Variants in COMMD1 observed in about 807,000 individuals in gnomAD.
COMMD1 encodes COMM domain-containing protein 1.
Under a neutral mutation model 17.2 loss-of-function variants are expected in COMMD1, and 10 were observed. That is an observed-to-expected ratio of 0.58 (90% confidence interval 0.36 to 0.99). The LOEUF is 0.99. COMMD1 is among the 50% of genes least tolerant of loss of function. The pLI is 0.01. For missense variants in COMMD1, 270 were observed against 231.8 expected, an observed-to-expected ratio of 1.17 and a Z score of -1.07; for synonymous variants, 97 against 91.6, an observed-to-expected ratio of 1.06 and a Z score of -0.34.
chr2:61,926,146 A>AT (rs1267756586), intron 1 of COMMD1, among the ~76,000 whole-genome samples: 1 of 151,512 alleles, frequency 6.6e-6, no homozygotes, highest in Non-Finnish European at 1.5e-5. Flanking sequence ...AATTTTTTGT[A>AT]TTTTTTAGTA....
intron 2 of COMMD1, among the ~76,000 whole-genome samples, chr2:62,063,066 A>T (rs1201616279): frequency 6.6e-6 from 1 of 151,776 alleles, no homozygotes; most frequent in Non-Finnish European, 1.5e-5. Context: ...AAAATACAAA[A>T]ATTAGCTGGG....
At chr2:62,126,884 G>A (rs1262129141) in intron 2 of COMMD1, among the ~76,000 whole-genome samples, 2 of 152,156 alleles carry the variant, frequency 1.3e-5, no homozygotes, top group African/African-American at 4.8e-5. Context: ...GCCAGGGCAA[G>A]CAGGCAAGAG....
chr2:61,950,493 A>C (rs1413636481), intron 1 of COMMD1, among the ~76,000 whole-genome samples: 1 of 152,232 alleles, frequency 6.6e-6, no homozygotes, highest in Non-Finnish European at 1.5e-5. Flanking sequence ...CTATGGATTA[A>C]TATGGGATTC....
intron 2 of COMMD1, chr2:62,100,068 C>G (rs1672133833): frequency 6.6e-6 from 1 of 150,460 alleles, no homozygotes; most frequent in African/African-American, 2.5e-5. Context: ...CCTCTGAAAC[C>G]AAAATTAAGA....
chr2:62,116,676 CAAAAAAAAA>C (rs70962759), intron 2 of COMMD1, among the ~76,000 whole-genome samples: 47 of 28,548 alleles, frequency 1.6e-3, no homozygotes, highest in African/African-American at 6.7e-3. Flanking sequence ...TGTCTCATTA[CAAAAAAAAA>C]AAAAAAAAAA....
rs534846606 is a variant in COMMD1, at chr2:62,063,351, C to T, written c.462+62369C>T. Among the ~76,000 whole-genome samples the T allele has an allele frequency of 5.3e-5, 8 of 152,208 alleles. No homozygotes were observed. In the South Asian group the frequency reaches 8.3e-4, roughly 16 times the overall value. ...AAGTTGAGGCATGTGCCACCACGCC[C>T]GGCTAATTTTTTGTATTTTTAGTAG... On this transcript the variant is annotated intron_variant, in intron 2 of 2. Coordinates refer to ENST00000311832, the MANE Select transcript of COMMD1 (RefSeq NM_152516.4).
chr2:61,950,899 A>T (rs1484611059), intron 1 of COMMD1, among the ~76,000 whole-genome samples: 1 of 152,212 alleles, frequency 6.6e-6, no homozygotes, highest in African/African-American at 2.4e-5. Context: ...TTCTCCAATT[A>T]ATATTTTCAG....
intron 1 of COMMD1, among the ~76,000 whole-genome samples, chr2:61,932,043 G>A (rs527431108): frequency 5.3e-5 from 8 of 152,302 alleles, no homozygotes; most frequent in African/African-American, 1.4e-4. Flanking sequence ...CACCAAGGCT[G>A]GAGTGCAGTG....
Position 61,945,504 on chromosome 2 carries a change from A to G in COMMD1, c.180+39646A>G, listed in dbSNP as rs371321448. 1.1e-3 allele frequency among the ~76,000 whole-genome samples: 174 copies of G among 152,338 alleles called. No homozygotes were observed. The Middle Eastern group carries it at 0.017, about 15-fold the overall frequency. On this transcript the variant is annotated intron_variant, in intron 1 of 2. Transcript: ENST00000311832. ...ACCAGTAGGCGATTTGTCAAAGGTC[A>G]GGGGCACTTGCACTCAGAAGACCTT...
chr2:62,129,222 G>A (rs1472558954), intron 2 of COMMD1, among the ~76,000 whole-genome samples: 2 of 152,064 alleles, frequency 1.3e-5, no homozygotes, highest in East Asian at 3.9e-4. Context: ...ATGAAGAAAC[G>A]ATACCCTACA....
intron 2 of COMMD1, among the ~76,000 whole-genome samples, chr2:62,019,000 A>G (rs1448181141): frequency 2.7e-5 from 4 of 147,754 alleles, no homozygotes; most frequent in Non-Finnish European, 5.9e-5. Context: ...GAGCAAACCC[A>G]CTCCTACAAC....
chr2:61,897,402 G>GC (rs1558513826), intron 1 of COMMD1, among the ~76,000 whole-genome samples: 1 of 152,118 alleles, frequency 6.6e-6, no homozygotes, highest in Non-Finnish European at 1.5e-5. Flanking sequence ...TTGTTAAGTT[G>GC]TGTTTTGTTA....
intron 2 of COMMD1, among the ~76,000 whole-genome samples, chr2:62,036,551 ATGTC>A (rs1412360102): frequency 6.6e-6 from 1 of 152,212 alleles, no homozygotes; most frequent in Non-Finnish European, 1.5e-5. Context: ...ATTGGATGGT[ATGTC>A]TTTGGAAGTT....
chr2:61,985,687 T>G (rs1480186332), intron 1 of COMMD1, among the ~76,000 whole-genome samples: 1 of 152,182 alleles, frequency 6.6e-6, no homozygotes, highest in African/African-American at 2.4e-5. Context: ...AAATAATATA[T>G]CCCATTATTT....
At chr2:62,048,431 G>T (rs908840779) in intron 2 of COMMD1, among the ~76,000 whole-genome samples, 1 of 151,632 alleles carries the variant, frequency 6.6e-6, no homozygotes, top group African/African-American at 2.4e-5. Flanking sequence ...CTCGTGATCC[G>T]CCCGCCTCGC....
At chr2:62,068,311 C>T (rs1671110364) in intron 2 of COMMD1, among the ~76,000 whole-genome samples, 1 of 152,168 alleles carries the variant, frequency 6.6e-6, no homozygotes, top group Non-Finnish European at 1.5e-5. Flanking sequence ...ACTATAAAAC[C>T]TCTCCCAGAT....
chr2:61,978,574 G>A (rs181833545), intron 1 of COMMD1, among the ~76,000 whole-genome samples: 1 of 152,130 alleles, frequency 6.6e-6, no homozygotes, highest in Admixed American at 6.5e-5. Flanking sequence ...TGAACTGTAG[G>A]CAGTGCTAAG....
intron 1 of COMMD1, among the ~76,000 whole-genome samples, chr2:61,974,268 G>C (rs1671731266): frequency 6.6e-6 from 1 of 152,168 alleles, no homozygotes; most frequent in African/African-American, 2.4e-5. Flanking sequence ...GGGCAACAGA[G>C]TGAGACTGTC....
chr2:61,895,539 C>G (rs1256796214), intron 1 of COMMD1, among the ~76,000 whole-genome samples: 1 of 152,186 alleles, frequency 6.6e-6, no homozygotes, highest in Non-Finnish European at 1.5e-5. Context: ...CCACCAACAT[C>G]AGTTTCATAG....
Sources: allele counts gnomAD v4.1 joint callset (sites outside exome capture counted in the v4.1 genomes callset), GRCh38; gene constraint gnomAD v4.1.1; transcripts MANE v1.5; gene names NCBI Gene and HGNC (gene_info 2026-07-23, HGNC 2026-07-21).